TET1: variants seen among roughly 807,000 people sequenced by gnomAD.
TET1 encodes methylcytosine dioxygenase TET1.
In TET1, 13 loss-of-function variants were observed where a neutral mutation model predicts 148.7. The observed-to-expected ratio is 0.09, with a 90% CI of 0.06 to 0.14. TET1 has a LOEUF of 0.14. Ranked by LOEUF, TET1 falls within the 10% of genes least tolerant of loss-of-function variation. The pLI, the probability that TET1 is intolerant of heterozygous loss-of-function variation, is 1.00. For synonymous variants in TET1, 907 were observed against 937.2 expected, an observed-to-expected ratio of 0.97 and a Z score of 0.59; for missense variants, 2,182 against 2,553.8, an observed-to-expected ratio of 0.85 and a Z score of 3.14.
chr10:68,677,931 T>C (rs1236556735), intron 8 of TET1, among the ~76,000 whole-genome samples: 1 of 152,116 alleles, frequency 6.6e-6, no homozygotes, highest in East Asian at 1.9e-4. Flanking sequence ...GTATTTTTTA[T>C]TTTTATTTAT....
chr10:68,687,994 A>G (rs990670118), intron 11 of TET1, among the ~76,000 whole-genome samples: 2 of 151,966 alleles, frequency 1.3e-5, no homozygotes, highest in African/African-American at 2.4e-5. Flanking sequence ...CTATTCACAG[A>G]CACAATCATA....
rs564186545 is a variant in TET1 at position 68,691,393 on chromosome 10, G to C, written c.5990G>C (p.Ser1997Thr). The C allele has an allele frequency of 1.2e-6, 2 of 1,614,188 alleles. No homozygotes were observed. The highest frequency in any genetic ancestry group is 1.7e-5 in the Admixed American group (1 of 60,018). Residue 1997 changes from serine to threonine, a missense_variant, in exon 12 of 12, where the codon AGT becomes ACT. Physicochemically the swap from Ser to Thr is moderately conservative, Grantham distance 58. Transcript: ENST00000373644. This position sits in a 1 kb window ranked among gnomAD's most constrained non-coding sequence, Gnocchi z 4.4. ...CACATTGATGAGTATTGGTCAGACA[G>C]TGAGCACATCTTTTTGGATGCAAAT... ...LPHIDEYWSD[S>T]EHIFLDANIG...
At chr10:68,595,612 C>CTTTTTTTTTTTT (rs71470530) in intron 2 of TET1, among the ~76,000 whole-genome samples, 24 of 76,508 alleles carry the variant, frequency 3.1e-4, no homozygotes, top group African/African-American at 1.0e-3. Flanking sequence ...CACACAGCTT[C>CTTTTTTTTTTTT]TTTTTTTTTT....
chr10:68,573,921 T>C lies in TET1; in HGVS notation c.1583T>C (p.Leu528Pro), dbSNP rs770652473. 6.2e-7 allele frequency: 1 copy of C among 1,614,174 alleles called. No individual in the cohort carries two copies. The highest frequency in any genetic ancestry group is 8.5e-7 in the Non-Finnish European group (1 of 1,180,016). Residue 528 changes from leucine (L) to proline (P), a missense_variant, in exon 2 of 12, where the codon CTG becomes CCG. This residue lies in a region of TET1 where 665 missense variants were observed against 672.4 expected (regional missense o/e 0.99). Transcript: ENST00000373644. ...APERGLFHAS[L>P]GIAQLSQAGP... Reference sequence around the variant, plus strand: ...GAGAGAGGACTCTTCCATGCTTCACTGGGTATAGCCCAACTCTCTCAGGCT... The same window carrying C: ...GAGAGAGGACTCTTCCATGCTTCACCGGGTATAGCCCAACTCTCTCAGGCT...
chr10:68,624,537 C>G (rs2054424927), intron 3 of TET1, among the ~76,000 whole-genome samples: 1 of 152,090 alleles, frequency 6.6e-6, no homozygotes, highest in African/African-American at 2.4e-5. Flanking sequence ...GATCTGCCCA[C>G]CTCAGCCTCC....
chr10:68,671,645 G>A (rs1195483892), intron 7 of TET1, among the ~76,000 whole-genome samples: 1 of 152,200 alleles, frequency 6.6e-6, no homozygotes, highest in African/African-American at 2.4e-5. Flanking sequence ...TTAGCATATA[G>A]TTTAGTTTAA....
chr10:68,662,585 G>A (rs1473103676), intron 6 of TET1, among the ~76,000 whole-genome samples: 1 of 151,880 alleles, frequency 6.6e-6, no homozygotes, highest in East Asian at 1.9e-4. Flanking sequence ...TATATAATAT[G>A]TGTATGTATA....
chr10:68,654,836 T>C (rs1480584779), intron 6 of TET1, among the ~76,000 whole-genome samples: 1 of 152,174 alleles, frequency 6.6e-6, no homozygotes, highest in East Asian at 1.9e-4. Flanking sequence ...CCTATGAGGA[T>C]GCAATCATCT....
intron 3 of TET1, among the ~76,000 whole-genome samples, chr10:68,634,791 G>T (rs1258180463): frequency 6.6e-6 from 1 of 152,050 alleles, no homozygotes; most frequent in Admixed American, 6.6e-5. Context: ...TTGAGATGTA[G>T]TCTCACTCTG....
chr10:68,656,128 C>G (rs560201535), intron 6 of TET1, among the ~76,000 whole-genome samples: 33 of 152,130 alleles, frequency 2.2e-4, no homozygotes, highest in Non-Finnish European at 3.5e-4. Flanking sequence ...AGGGCTCCCA[C>G]TGATTCTTTA....
chr10:68,638,298 C>T (rs1053835267), intron 3 of TET1, among the ~76,000 whole-genome samples: 28 of 152,264 alleles, frequency 1.8e-4, no homozygotes, highest in African/African-American at 6.0e-4. Context: ...CAGCATAGGT[C>T]CTGACAGTGT....
rs1482319102 is a variant in TET1 at position 68,627,666 on chromosome 10, G to GC, written c.1969-17031dup. Among the ~76,000 whole-genome samples the GC allele has an allele frequency of 3.3e-5, 5 of 151,420 alleles. No individual in the cohort carries two copies. The East Asian group carries it at 9.8e-4, about 30-fold the overall frequency. ...AAAGTGGCCGGGCGCGGTGGCTCAC[G>GC]CTGTAATCCTAGCACTCTGGGAGGC... On this transcript the variant is annotated intron_variant, in intron 3 of 11. Coordinates refer to ENST00000373644, the MANE Select transcript of TET1 (RefSeq NM_030625.3).
chr10:68,661,237 ACGGG>A (rs1292427826), intron 6 of TET1, among the ~76,000 whole-genome samples: 2 of 116,314 alleles, frequency 1.7e-5, no homozygotes, highest in Non-Finnish European at 3.4e-5. Flanking sequence ...TTTAGTAGAG[ACGGG>A]GTTTCACCAT....
chr10:68,592,814 A>G (rs2053934247), intron 2 of TET1, among the ~76,000 whole-genome samples: 1 of 152,112 alleles, frequency 6.6e-6, no homozygotes, highest in African/African-American at 2.4e-5. Flanking sequence ...TCCTGGGCTC[A>G]TCTCATTCTA....
chr10:68,653,342 G>C (rs2054968804), intron 6 of TET1, among the ~76,000 whole-genome samples: 1 of 152,120 alleles, frequency 6.6e-6, no homozygotes, highest in African/African-American at 2.4e-5. Flanking sequence ...TTAAATCACT[G>C]TCTTTAATCA....
intron 3 of TET1, among the ~76,000 whole-genome samples, chr10:68,629,087 G>A (rs540419474): frequency 8.0e-4 from 122 of 152,130 alleles, no homozygotes; most frequent in Non-Finnish European, 1.6e-3. Context: ...CATGTATGCC[G>A]GGCGCGGTGG....
rs2054094691 is a variant in TET1, at chr10:68,604,253, A to G, written c.1968+3219A>G. 2.0e-5 allele frequency among the ~76,000 whole-genome samples: 3 copies of G among 152,272 alleles called. No individual in the cohort carries two copies. In the East Asian group the frequency reaches 5.8e-4, roughly 29 times the overall value. ...GTGTATACTCCCTTTAAGAAAGTCAATTTTAAGATGATAATAGTTTTGTTA... is the reference window on the plus strand; with the variant it reads ...GTGTATACTCCCTTTAAGAAAGTCAGTTTTAAGATGATAATAGTTTTGTTA... On this transcript the variant is annotated intron_variant, in intron 3 of 11. Coordinates refer to ENST00000373644, the MANE Select transcript of TET1 (RefSeq NM_030625.3).
intron 8 of TET1, among the ~76,000 whole-genome samples, chr10:68,673,935 C>CTTTTTTTTTTTTT (rs11381293): frequency 2.2e-4 from 26 of 120,246 alleles, no homozygotes; most frequent in African/African-American, 3.1e-4. Flanking sequence ...CTTTCTTTTT[C>CTTTTTTTTTTTTT]TTTTTTTTTT....
At chr10:68,623,867 T>C (rs1056263168) in intron 3 of TET1, among the ~76,000 whole-genome samples, 1 of 152,196 alleles carries the variant, frequency 6.6e-6, no homozygotes, top group East Asian at 1.9e-4. Context: ...TTTTCTGGTG[T>C]TGTTTTCTAG....
Sources: allele counts gnomAD v4.1 joint callset (sites outside exome capture counted in the v4.1 genomes callset), GRCh38; gene constraint gnomAD v4.1.1; regional missense constraint gnomAD v4.1.1; non-coding constraint Gnocchi (gnomAD v3.1); transcripts MANE v1.5; gene names NCBI Gene and HGNC (gene_info 2026-07-23, HGNC 2026-07-21).